SYT16: variants seen among roughly 807,000 people sequenced by gnomAD.
SYT16 encodes the protein synaptotagmin-16.
In SYT16, 42 loss-of-function variants were observed where a neutral mutation model predicts 61.4. The observed-to-expected ratio is 0.68, with a 90% confidence interval of 0.53 to 0.89. The LOEUF (loss-of-function observed/expected upper bound fraction) is 0.89, where lower values mean the gene tolerates loss of function less well. Among genes scored for constraint, SYT16 ranks in the 40% least tolerant of loss-of-function variants. The pLI is 0.00. For synonymous variants in SYT16, 314 were observed against 302.3 expected (o/e 1.04, Z -0.40); for missense variants, 804 against 807.3 (o/e 1.00, Z 0.05).
At position 62,109,649 on chromosome 14, in the gene SYT16, A is replaced by G. The variant is rs1029450911; in HGVS notation, c.*8942A>G. On this transcript the variant is annotated 3_prime_UTR_variant, in exon 8 of 8. Coordinates refer to ENST00000683842, the MANE Select transcript of SYT16 (RefSeq NM_001367656.1). The stretch of plus-strand genomic sequence containing the variant: ...TCTATGAGTTTTTCCCTCCATTGGA[A>G]TCTAAACAGAAAGTTCTGAAGGTTA... 3.3e-5 allele frequency: 5 copies of G among 152,298 alleles called. No homozygotes were observed. Among genetic ancestry groups the G allele is most frequent in the African/African-American group, 1.2e-4 (5 of 41,576 alleles). The allele number at this position is 152,298 out of a possible 1,614,324, so 9.4% of individuals were successfully genotyped here.
intron 1 of SYT16, among the ~76,000 whole-genome samples, chr14:61,819,274 A>G (rs566586155): frequency 2.0e-5 from 3 of 152,212 alleles, no homozygotes; most frequent in Non-Finnish European, 4.4e-5. Context: ...AGCATTATGA[A>G]TGATAAGATG....
At chr14:61,964,744 G>A (rs2610547) in intron 1 of SYT16, among the ~76,000 whole-genome samples, 21,717 of 152,052 alleles carry the variant, frequency 0.14, 2,880 homozygotes, top group African/African-American at 0.35. Flanking sequence ...GGAAGAGTCA[G>A]TTGATGAGGC....
At chr14:61,898,529 C>T (rs2140352947) in intron 1 of SYT16, among the ~76,000 whole-genome samples, 1 of 152,284 alleles carries the variant, frequency 6.6e-6, no homozygotes, top group South Asian at 2.1e-4. Context: ...ATCCCGGGGC[C>T]ATGATAGTAC....
intron 3 of SYT16, among the ~76,000 whole-genome samples, chr14:62,064,892 T>C (rs2055993351): frequency 6.6e-6 from 1 of 152,256 alleles, no homozygotes; most frequent in African/African-American, 2.4e-5. Context: ...CTTTTATTAC[T>C]GTAACAGTGC....
At chr14:61,939,508 G>T (rs917906000) in intron 1 of SYT16, among the ~76,000 whole-genome samples, 4 of 152,210 alleles carry the variant, frequency 2.6e-5, no homozygotes, top group Admixed American at 2.6e-4. Context: ...TCCATTCTGA[G>T]GCTTCTTTGC....
chr14:61,835,603 A>G (rs994067384), intron 1 of SYT16, among the ~76,000 whole-genome samples: 2 of 151,274 alleles, frequency 1.3e-5, no homozygotes, highest in Non-Finnish European at 2.9e-5. Context: ...TCACCTTTTT[A>G]TGGCCATTTA....
chr14:62,016,661 T>A (rs1414734883), intron 3 of SYT16, among the ~76,000 whole-genome samples: 1 of 151,772 alleles, frequency 6.6e-6, no homozygotes, highest in Admixed American at 6.6e-5. Context: ...TGAAGTGAGC[T>A]GAGATCACAC....
At chr14:61,856,659 A>C (rs1219035833) in intron 1 of SYT16, among the ~76,000 whole-genome samples, 2 of 152,228 alleles carry the variant, frequency 1.3e-5, no homozygotes, top group Non-Finnish European at 2.9e-5. Flanking sequence ...TGAGATGTCT[A>C]TTAAACATCC....
intron 3 of SYT16, among the ~76,000 whole-genome samples, chr14:62,046,182 T>G (rs1251577783): frequency 6.6e-6 from 1 of 152,182 alleles, no homozygotes; most frequent in African/African-American, 2.4e-5. Context: ...TGGTTTTGAT[T>G]TGCATTTCTC....
intron 1 of SYT16, among the ~76,000 whole-genome samples, chr14:61,821,282 G>A (rs1437826837): frequency 6.6e-6 from 1 of 151,952 alleles, no homozygotes; most frequent in African/African-American, 2.4e-5. Context: ...TTAGATTTTA[G>A]TGGTGATAAT....
chr14:62,032,836 C>G (rs750772412), intron 3 of SYT16, among the ~76,000 whole-genome samples: 12 of 151,324 alleles, frequency 7.9e-5, no homozygotes, highest in Non-Finnish European at 1.6e-4. Flanking sequence ...TTTTTTGTTA[C>G]AGCCCATTTA....
intron 1 of SYT16, among the ~76,000 whole-genome samples, chr14:61,916,764 G>A (rs1325194219): frequency 2.6e-5 from 4 of 152,110 alleles, no homozygotes; most frequent in Admixed American, 2.6e-4. Context: ...AGCCTCTGGT[G>A]ACTACCATTC....
intron 7 of SYT16, among the ~76,000 whole-genome samples, chr14:62,086,004 T>C (rs1026973978): frequency 6.6e-6 from 1 of 152,092 alleles, no homozygotes; most frequent in African/African-American, 2.4e-5. Context: ...ATGCAGAGAA[T>C]GATGGGGTTG....
At chr14:61,851,893 C>A (rs1290160688) in intron 1 of SYT16, among the ~76,000 whole-genome samples, 2 of 152,174 alleles carry the variant, frequency 1.3e-5, no homozygotes, top group Non-Finnish European at 2.9e-5. Context: ...TTTTGCTGTG[C>A]AGAAGCTCTT....
At chr14:61,942,202 A>G (rs114786584) in intron 1 of SYT16, among the ~76,000 whole-genome samples, 1 of 152,290 alleles carries the variant, frequency 6.6e-6, no homozygotes, top group African/African-American at 2.4e-5. Flanking sequence ...CTTTAAAATC[A>G]TTTCTTATTT....
chr14:61,864,155 T>C lies in SYT16; in HGVS notation c.-325+51345T>C, dbSNP rs536977221. Among the ~76,000 whole-genome samples, 9 of 152,350 alleles carry C rather than the reference T, an allele frequency of 5.9e-5. No individual in the cohort carries two copies. The East Asian group carries it at 9.6e-4, about 16-fold the overall frequency. ...CACAATTTGTTTATCCATTCACCAA[T>C]TGGTAGACTTGGGGTTGTTTCAAAT... On this transcript the variant is annotated intron_variant, in intron 1 of 7. Transcript: ENST00000683842.
intron 5 of SYT16, among the ~76,000 whole-genome samples, chr14:62,079,640 A>C (rs2056635358): frequency 1.3e-5 from 2 of 152,240 alleles, no homozygotes; most frequent in African/African-American, 4.8e-5. Context: ...CGAGATCTCT[A>C]AATTAGCAAG....
At chr14:61,869,601 A>G (rs1247512183) in intron 1 of SYT16, among the ~76,000 whole-genome samples, 2 of 152,176 alleles carry the variant, frequency 1.3e-5, no homozygotes, top group Non-Finnish European at 2.9e-5. Context: ...TATACACCCA[A>G]CTGCTGTGGA....
At chr14:61,817,426 A>G (rs2045478075) in intron 1 of SYT16, among the ~76,000 whole-genome samples, 1 of 152,062 alleles carries the variant, frequency 6.6e-6, no homozygotes, top group South Asian at 2.1e-4. Context: ...CTCCAAAAAA[A>G]AAAAAAAAAA....
Sources: gnomAD v4.1 joint callset for allele counts (sites outside exome capture counted in the v4.1 genomes callset) on GRCh38, gnomAD v4.1.1 for gene constraint, MANE v1.5 for transcripts, NCBI Gene and HGNC (gene_info 2026-07-23, HGNC 2026-07-21) for gene names.